Variants in DUSP14 observed in about 807,000 individuals in gnomAD.
The protein encoded by DUSP14 is dual specificity phosphatase 14, also known as dual specificity protein phosphatase 14.
A neutral mutation model predicts 13.2 loss-of-function variants in DUSP14; 5 were observed. The ratio of observed to expected loss-of-function variants is 0.38; its 90% CI spans 0.20 to 0.80. The LOEUF (loss-of-function observed/expected upper bound fraction) is 0.80, where lower values mean the gene tolerates loss of function less well. DUSP14 is among the 30% of genes least tolerant of loss of function. DUSP14 has a pLI of 0.44. For synonymous variants in DUSP14, 91 were observed against 103.4 expected (o/e 0.88, Z 0.73); for missense variants, 185 against 264.0 (o/e 0.70, Z 2.07).
intron 1 of DUSP14, among the ~76,000 whole-genome samples, chr17:37,509,169 T>A (rs12947057): frequency 5.9e-5 from 3 of 50,630 alleles, no homozygotes; most frequent in Non-Finnish European, 1.2e-4. Flanking sequence ...ACACACACAC[T>A]CTATATATAT....
At chr17:37,498,140 A>G (rs535663466) in intron 1 of DUSP14, among the ~76,000 whole-genome samples, 2 of 150,172 alleles carry the variant, frequency 1.3e-5, no homozygotes, top group African/African-American at 5.0e-5. Flanking sequence ...AGAGCATTTC[A>G]CATTTCACAT....
rs375379415 is a variant in DUSP14 at position 37,503,724 on chromosome 17, A to G, written c.-180-6953A>G. Among the ~76,000 whole-genome samples the G allele has an allele frequency of 9.8e-5, 15 of 152,344 alleles. No homozygotes were observed. In the South Asian group the frequency reaches 2.5e-3, roughly 25 times the overall value. ...TAGTTATTGATAGTCTCTTCTTGCT[A>G]TCTCTACTCTTTCTGTTTCCAACAT... is the stretch of plus-strand genomic sequence containing the variant. On this transcript the variant is annotated intron_variant, in intron 1 of 2. Transcript: ENST00000617516.
intron 1 of DUSP14, among the ~76,000 whole-genome samples, chr17:37,502,855 A>G (rs186701777): frequency 6.6e-6 from 1 of 151,966 alleles, no homozygotes; most frequent in Non-Finnish European, 1.5e-5. Flanking sequence ...CGGAAGCATC[A>G]TTTCTACTGT....
chr17:37,510,944 T>G (rs535070065), intron 2 of DUSP14, among the ~76,000 whole-genome samples, 180 bp downstream of exon 2: 1 of 152,020 alleles, frequency 6.6e-6, no homozygotes, highest in East Asian at 1.9e-4. Flanking sequence ...ATCTAAGATC[T>G]CAGGAAACTG....
intron 1 of DUSP14, among the ~76,000 whole-genome samples, chr17:37,497,693 G>C (rs2054074780): frequency 6.6e-6 from 1 of 151,162 alleles, no homozygotes; most frequent in Non-Finnish European, 1.5e-5. Flanking sequence ...TCAGGAGGTC[G>C]AGGCTGCAGT....
intron 1 of DUSP14, among the ~76,000 whole-genome samples, chr17:37,502,082 A>T (rs1209877387): frequency 6.6e-6 from 1 of 152,154 alleles, no homozygotes; most frequent in Non-Finnish European, 1.5e-5. Context: ...TGTTACCTGT[A>T]TATCCCTGCT....
chr17:37,492,992 CGT>C (rs368795488), intron 1 of DUSP14, among the ~76,000 whole-genome samples: 42 of 150,042 alleles, frequency 2.8e-4, no homozygotes, highest in Middle Eastern at 3.5e-3. Flanking sequence ...TGGCCGGCAT[CGT>C]GTGTGTGTGT....
At chr17:37,505,081 A>T (rs1002266911) in intron 1 of DUSP14, among the ~76,000 whole-genome samples, 1 of 152,122 alleles carries the variant, frequency 6.6e-6, no homozygotes, top group Non-Finnish European at 1.5e-5. Context: ...TAGTAGAGAC[A>T]GGGTTTCACC....
intron 1 of DUSP14, among the ~76,000 whole-genome samples, chr17:37,497,598 C>CA (rs1246262998): frequency 2.0e-5 from 3 of 151,696 alleles, no homozygotes; most frequent in South Asian, 4.2e-4. Flanking sequence ...CCTGTCTCTA[C>CA]AAAAAACACA....
intron 1 of DUSP14, among the ~76,000 whole-genome samples, chr17:37,507,915 G>T (rs1213338685): frequency 6.6e-6 from 1 of 152,254 alleles, no homozygotes; most frequent in Non-Finnish European, 1.5e-5. Context: ...GGAAGACTTG[G>T]AAGTGGCAGG....
At chr17:37,511,713 G>A (rs1238299721) in intron 2 of DUSP14, among the ~76,000 whole-genome samples, 1 of 148,758 alleles carries the variant, frequency 6.7e-6, no homozygotes, top group Non-Finnish European at 1.5e-5. Flanking sequence ...TCAGTCTCCT[G>A]AGTAGCTGGG....
chr17:37,496,740 G>T (rs2054067794), intron 1 of DUSP14, among the ~76,000 whole-genome samples: 1 of 151,772 alleles, frequency 6.6e-6, no homozygotes, highest in South Asian at 2.1e-4. Flanking sequence ...GTGAAAGAGC[G>T]AGATTCCATC....
chr17:37,491,265 G>A (rs1455263805), intron 1 of DUSP14, among the ~76,000 whole-genome samples: 1 of 152,196 alleles, frequency 6.6e-6, no homozygotes, highest in East Asian at 1.9e-4. Context: ...AGAAATGCAG[G>A]GAAGGAGGCA....
At chr17:37,495,372 A>G (rs1202369845) in intron 1 of DUSP14, among the ~76,000 whole-genome samples, 1 of 152,214 alleles carries the variant, frequency 6.6e-6, no homozygotes, top group East Asian at 1.9e-4. Flanking sequence ...TCAGTGGACG[A>G]GAAGGTTCTT....
chr17:37,508,322 A>G (rs903197641), intron 1 of DUSP14, among the ~76,000 whole-genome samples: 1 of 151,944 alleles, frequency 6.6e-6, no homozygotes, highest in Non-Finnish European at 1.5e-5. Context: ...TTCCAGCCCC[A>G]CTCTGGAGGG....
chr17:37,491,921 C>T (rs2054031037), intron 1 of DUSP14, among the ~76,000 whole-genome samples: 1 of 152,172 alleles, frequency 6.6e-6, no homozygotes, highest in Non-Finnish European at 1.5e-5. Flanking sequence ...AAAGTAACTG[C>T]CGAGTGCATC....
chr17:37,497,873 G>T (rs2054076249), intron 1 of DUSP14, among the ~76,000 whole-genome samples: 1 of 152,108 alleles, frequency 6.6e-6, no homozygotes, highest in Admixed American at 6.5e-5. Context: ...GGGCAACGTG[G>T]CAAAACCCTG....
chr17:37,506,959 T>C (rs1027577366), intron 1 of DUSP14, among the ~76,000 whole-genome samples: 1 of 152,188 alleles, frequency 6.6e-6, no homozygotes, highest in Non-Finnish European at 1.5e-5. Flanking sequence ...TGGCAGACGC[T>C]GGCTGGTGGT....
In DUSP14 at chr17:37,500,408, A is replaced by G. The variant is rs186362997; in HGVS notation, c.-180-10269A>G. ...TCCTGTGAACTTTATTCTAATTTAT[A>G]AATTCTGTTCTTTATCTTCCCTTAA... On this transcript the variant is annotated intron_variant, in intron 1 of 2. Transcript: ENST00000617516. Among the ~76,000 whole-genome samples the G allele has an allele frequency of 1.5e-4, 23 of 152,308 alleles. No homozygotes were observed. In the East Asian group the frequency reaches 4.2e-3, roughly 28 times the overall value.
Sources: allele counts gnomAD v4.1 joint callset (sites outside exome capture counted in the v4.1 genomes callset), GRCh38; gene constraint gnomAD v4.1.1; transcripts MANE v1.5; gene names NCBI Gene and HGNC (gene_info 2026-07-23, HGNC 2026-07-21).